ENTPD5: variants seen among roughly 807,000 people sequenced by gnomAD.
ENTPD5 encodes nucleoside diphosphate phosphatase ENTPD5.
A neutral mutation model predicts 60.2 loss-of-function variants in ENTPD5; 49 were observed. The ratio of observed to expected loss-of-function variants is 0.81; its 90% CI spans 0.65 to 1.03. The LOEUF (loss-of-function observed/expected upper bound fraction) is 1.03, where lower values mean the gene tolerates loss of function less well. ENTPD5 is among the 50% of genes least tolerant of loss of function. The probability of loss-of-function intolerance (pLI) is 0.00; values close to 1 mark genes in which losing one functional copy is unlikely to be tolerated. For synonymous variants in ENTPD5, 187 were observed against 185.4 expected, an observed-to-expected ratio of 1.01 and a Z score of -0.07; for missense variants, 480 against 507.6, an observed-to-expected ratio of 0.95 and a Z score of 0.52.
At chr14:74,008,076 C>T (rs1265491531) in intron 3 of ENTPD5, among the ~76,000 whole-genome samples, 1 of 151,932 alleles carries the variant, frequency 6.6e-6, no homozygotes. Context: ...TCAAGTGATG[C>T]GTCCACCTTA....
chr14:73,968,483 T>C (rs963255823), intron 15 of ENTPD5, among the ~76,000 whole-genome samples: 4 of 150,490 alleles, frequency 2.7e-5, no homozygotes, highest in Non-Finnish European at 5.9e-5. Context: ...TGGAGTGCAA[T>C]GGTATGATCT....
chr14:73,961,359 C>T (rs778856227), downstream of ENTPD5: 9 of 1,614,206 alleles, frequency 5.6e-6, no homozygotes, highest in Non-Finnish European at 6.8e-6. Context: ...CGTCAGGCCT[C>T]GGGTGGCGCT....
downstream of ENTPD5, chr14:73,956,111 T>G (rs1241467754): frequency 1.5e-6 from 1 of 676,738 alleles, no homozygotes; most frequent in Non-Finnish European, 2.5e-6. Context: ...GATCACGAGG[T>G]CAGGAGATGG....
intron 3 of ENTPD5, among the ~76,000 whole-genome samples, chr14:74,006,904 T>C (rs11159056): frequency 0.13 from 20,363 of 152,094 alleles, 1,530 homozygotes; most frequent in Admixed American, 0.2. Flanking sequence ...AAGTCAGATA[T>C]AGTTAAGAAA....
downstream of ENTPD5, among the ~76,000 whole-genome samples, chr14:73,962,283 G>A (rs2056778906): frequency 6.6e-6 from 1 of 152,082 alleles, no homozygotes; most frequent in Admixed American, 6.6e-5. Flanking sequence ...TTTCTTGGCT[G>A]TAAAATTATT....
In ENTPD5 at chr14:73,963,805, A is replaced by G. The variant is rs2056863478; in HGVS notation, c.*3123T>C. The stretch of plus-strand genomic sequence containing the variant: ...TAGGTTGTAGGTTTGCTTACTCTAA[A>G]GAACATCTTGCCCAGAAGTCTGATT... On this transcript the variant is annotated 3_prime_UTR_variant, in exon 16 of 16. Transcript: ENST00000334696. The G allele has an allele frequency of 1.3e-5, 2 of 152,270 alleles. No individual in the cohort carries two copies. The highest frequency in any genetic ancestry group is 4.8e-5 in the African/African-American group (2 of 41,460). 9.4% of individuals were successfully genotyped at this position (152,270 alleles called of 1,614,324 possible). A position where few individuals can be genotyped will look rare whatever the true frequency, so the allele number is the denominator to read the frequency against.
At chr14:73,991,053 C>A (rs1413458139) in intron 3 of ENTPD5, among the ~76,000 whole-genome samples, 1 of 152,036 alleles carries the variant, frequency 6.6e-6, no homozygotes, top group East Asian at 1.9e-4. Context: ...AACAAAAAAT[C>A]ACTTGGTAGT....
intron 3 of ENTPD5, among the ~76,000 whole-genome samples, chr14:73,990,688 C>T (rs1455427264): frequency 6.6e-6 from 1 of 151,778 alleles, no homozygotes; most frequent in Non-Finnish European, 1.5e-5. Flanking sequence ...CATCATTCTG[C>T]AACAAAGCCA....
chr14:73,974,842 T>C (rs1249557770), intron 11 of ENTPD5, 82 bp downstream of exon 11: 6 of 1,095,768 alleles, frequency 5.5e-6, no homozygotes, highest in African/African-American at 3.1e-5. Context: ...CTTCATAGAA[T>C]GGCTATCAAG....
At chr14:73,996,161 T>C in intron 3 of ENTPD5, 1 of 985,410 alleles carries the variant, frequency 1.0e-6, no homozygotes, top group Non-Finnish European at 1.2e-6. Flanking sequence ...GGTTGCCTTT[T>C]GCTCTTTGCT....
chr14:73,962,839 A>G (rs564802788), downstream of ENTPD5: 5 of 750,554 alleles, frequency 6.7e-6, no homozygotes, highest in Admixed American at 9.0e-5. Context: ...ATATGTATGT[A>G]TATTTTTCTT....
At chr14:74,003,815 G>A (rs914764477) in intron 3 of ENTPD5, among the ~76,000 whole-genome samples, 1 of 152,230 alleles carries the variant, frequency 6.6e-6, no homozygotes, top group East Asian at 1.9e-4. Context: ...AAAAAAAATT[G>A]GCTGGGCATG....
Position 73,983,177 on chromosome 14 carries a change from C to A in ENTPD5, c.298-16G>T, listed in dbSNP as rs749871151. On this transcript the variant is annotated splice_polypyrimidine_tract_variant and intron_variant, in intron 5 of 15. Coordinates refer to ENST00000334696, the MANE Select transcript of ENTPD5 (RefSeq NM_001249.5). ...TCTCAGCACCCTTCAAAAGAGATAA[C>A]CCGTTCATCTGATGAACGATCCATT... 8 of 1,601,378 alleles carry A rather than the reference C, an allele frequency of 5.0e-6. No homozygotes were observed. In the South Asian group the frequency reaches 8.9e-5, roughly 18 times the overall value.
At chr14:73,993,540 T>C (rs1050052236) in intron 3 of ENTPD5, among the ~76,000 whole-genome samples, 1 of 152,308 alleles carries the variant, frequency 6.6e-6, no homozygotes, top group Admixed American at 6.5e-5. Flanking sequence ...AATCAACCAC[T>C]GATACAGGAT....
At chr14:73,967,124 G>T in intron 15 of ENTPD5, 110 bp from the exon 16 acceptor site, 1 of 822,312 alleles carries the variant, frequency 1.2e-6, no homozygotes, top group East Asian at 2.6e-5. Context: ...GCAAACCAAG[G>T]CAAAACGGAC....
rs2056850408 is a variant in ENTPD5 at position 73,963,515 on chromosome 14, C to T, written c.*3413G>A. ...AAAGGAAAACCAGGTCTCATTAATG[C>T]TAGTTATTACTTTATCACAGCACCA... On this transcript the variant is annotated 3_prime_UTR_variant, in exon 16 of 16. Transcript: ENST00000334696. 1 of 167,964 alleles carries T rather than the reference C, an allele frequency of 6.0e-6. No individual in the cohort carries two copies. The highest frequency in any genetic ancestry group is 6.0e-5 in the Admixed American group (1 of 16,746). The allele number at this position is 167,964 out of a possible 1,614,324, so 10.4% of individuals were successfully genotyped here.
intron 6 of ENTPD5, among the ~76,000 whole-genome samples, chr14:73,977,733 T>C (rs1464044695): frequency 6.6e-6 from 1 of 152,176 alleles, no homozygotes; most frequent in Non-Finnish European, 1.5e-5. Flanking sequence ...CACTGGAAAC[T>C]AGGAGGAGCC....
chr14:73,994,871 A>G (rs1193373772), intron 3 of ENTPD5, among the ~76,000 whole-genome samples: 1 of 151,838 alleles, frequency 6.6e-6, no homozygotes, highest in Non-Finnish European at 1.5e-5. Context: ...TGTCTACCTT[A>G]TTTAAAATTA....
chr14:73,972,804 C>A, intron 13 of ENTPD5, 80 bp downstream of exon 13: 2 of 1,516,140 alleles, frequency 1.3e-6, no homozygotes, highest in East Asian at 2.3e-5. Flanking sequence ...CAAAGCACCT[C>A]AAGTGCTCTT....
Sources: allele counts gnomAD v4.1 joint callset (sites outside exome capture counted in the v4.1 genomes callset), GRCh38; gene constraint gnomAD v4.1.1; transcripts MANE v1.5; gene names NCBI Gene and HGNC (gene_info 2026-07-23, HGNC 2026-07-21).